AGBL1: variants seen among roughly 807,000 people sequenced by gnomAD.
AGBL1 encodes the protein cytosolic carboxypeptidase 4.
Under a neutral mutation model 118.9 loss-of-function variants are expected in AGBL1, and 130 were observed. The observed-to-expected ratio is 1.09, with a 90% CI of 0.95 to 1.26. The LOEUF is 1.26. Ranked by LOEUF, AGBL1 falls within the 50% of genes most tolerant of loss-of-function variation. The pLI, the probability that AGBL1 is intolerant of heterozygous loss-of-function variation, is 0.00. For missense variants in AGBL1, 1,584 were observed against 1,298.1 expected, an observed-to-expected ratio of 1.22 and a Z score of -3.38; for synonymous variants, 555 against 478.9, an observed-to-expected ratio of 1.16 and a Z score of -2.08.
chr15:86,568,505 T>C (rs1005337767), intron 21 of AGBL1, among the ~76,000 whole-genome samples: 1 of 152,200 alleles, frequency 6.6e-6, no homozygotes, highest in Non-Finnish European at 1.5e-5. Flanking sequence ...TCCCTGACTA[T>C]TTCTGCCTAC....
chr15:86,235,988 C>T (rs969061527), intron 6 of AGBL1, among the ~76,000 whole-genome samples: 5 of 152,162 alleles, frequency 3.3e-5, no homozygotes, highest in Non-Finnish European at 7.3e-5. Flanking sequence ...GACACTGAGG[C>T]CGAAAGAGAT....
intron 21 of AGBL1, among the ~76,000 whole-genome samples, chr15:86,567,851 T>G (rs776859443): frequency 1.2e-4 from 19 of 152,092 alleles, no homozygotes; most frequent in Non-Finnish European, 2.2e-4. Context: ...GGAATCTACC[T>G]TTTTTTCAAG....
intron 6 of AGBL1, among the ~76,000 whole-genome samples, chr15:86,246,156 A>G (rs1182104921): frequency 6.6e-6 from 1 of 152,188 alleles, no homozygotes; most frequent in Non-Finnish European, 1.5e-5. Flanking sequence ...CAGTGCTGGC[A>G]TTACAGGTGT....
In AGBL1 at chr15:86,907,637, G is replaced by T. The variant is rs2080299198; in HGVS notation, c.*343G>T. The T allele has an allele frequency of 6.6e-6, 1 of 152,184 alleles. No homozygotes were observed. Among genetic ancestry groups the T allele is most frequent in the Non-Finnish European group, 1.5e-5 (1 of 68,042 alleles). The allele number at this position is 152,184 out of a possible 1,614,324, so 9.4% of individuals were successfully genotyped here. On this transcript the variant is annotated 3_prime_UTR_variant, in exon 23 of 23. Transcript: ENST00000614907. ...CTTGTGCTTGAACTGGAGCAAGCTG[G>T]AAGTAGAGGAGTTGGGCTTCTTCTT...
chr15:86,796,480 AT>A (rs1330585395), intron 22 of AGBL1, among the ~76,000 whole-genome samples: 2 of 152,180 alleles, frequency 1.3e-5, no homozygotes, highest in Non-Finnish European at 2.9e-5. Context: ...ACAGTCCGAA[AT>A]ACCTCTAACC....
Position 86,895,447 on chromosome 15 carries a change from G to A in AGBL1, c.3159-11640G>A, listed in dbSNP as rs142406628. ...CATTTGCGTGTATTTCTTGAGCTCC[G>A]TTTTCTTCTTACTAAGCTATATACT... On this transcript the variant is annotated intron_variant, in intron 22 of 22. Coordinates refer to ENST00000614907, the MANE Select transcript of AGBL1 (RefSeq NM_001386094.1). 2.3e-3 allele frequency among the ~76,000 whole-genome samples: 337 copies of A among 149,128 alleles called. 3 individuals carry two copies. Among genetic ancestry groups the A allele is most frequent in the Non-Finnish European group, 2.9e-3 (192 of 67,338 alleles).
At chr15:86,121,559 C>T (rs950211825) in intron 1 of AGBL1, among the ~76,000 whole-genome samples, 2 of 152,212 alleles carry the variant, frequency 1.3e-5, no homozygotes, top group African/African-American at 4.8e-5. Context: ...GAAACTTCTT[C>T]ATTTGCAAGT....
chr15:86,465,005 C>G (rs1212659576), intron 18 of AGBL1, among the ~76,000 whole-genome samples: 2 of 151,938 alleles, frequency 1.3e-5, no homozygotes, highest in East Asian at 3.9e-4. Context: ...TGTTTTCCAA[C>G]TTGGTTCCAT....
intron 22 of AGBL1, among the ~76,000 whole-genome samples, chr15:86,702,401 A>G (rs1482888897): frequency 6.6e-6 from 1 of 152,154 alleles, no homozygotes; most frequent in Non-Finnish European, 1.5e-5. Context: ...CAGTCCCTTC[A>G]ATAGTTCTAG....
chr15:86,119,025 TAGTA>T (rs1269667133), intron 1 of AGBL1, among the ~76,000 whole-genome samples: 6 of 152,196 alleles, frequency 3.9e-5, no homozygotes, highest in Non-Finnish European at 7.3e-5. Flanking sequence ...GGTGCATAGC[TAGTA>T]AGTGTCAATA....
rs1021999908 is a variant in AGBL1, at chr15:86,913,468, A to C, written c.*6174A>C. ...TTCCAATGCAAAGTAAAATGGGTTC[A>C]GTATCATTGGTAGAGAACACAGTCT... On this transcript the variant is annotated 3_prime_UTR_variant, in exon 23 of 23. Transcript: ENST00000614907. 1 of 152,244 alleles carries C rather than the reference A, an allele frequency of 6.6e-6. No individual in the cohort carries two copies. The highest frequency in any genetic ancestry group is 6.5e-5 in the Admixed American group (1 of 15,290). The allele number at this position is 152,244 out of a possible 1,614,324, so 9.4% of individuals were successfully genotyped here.
At chr15:86,916,620 C>T (rs2080427878), downstream of AGBL1, among the ~76,000 whole-genome samples, 1 of 152,200 alleles carries the variant, frequency 6.6e-6, no homozygotes, top group Non-Finnish European at 1.5e-5. Context: ...TAGGCTCTGG[C>T]TCGGTTACTT....
chr15:86,474,018 C>T (rs141092243), intron 18 of AGBL1, among the ~76,000 whole-genome samples: 2 of 152,156 alleles, frequency 1.3e-5, no homozygotes, highest in African/African-American at 4.8e-5. Context: ...AATAAAATTG[C>T]ACTGTTTGGT....
chr15:86,107,515 G>C (rs1243912012), intron 1 of AGBL1: 1 of 152,188 alleles, frequency 6.6e-6, no homozygotes, highest in East Asian at 1.9e-4. Context: ...GCATGCCCTA[G>C]GTGCTTGATG....
At chr15:86,656,657 C>T (rs148971958) in intron 21 of AGBL1, among the ~76,000 whole-genome samples, 92 of 152,206 alleles carry the variant, frequency 6.0e-4, no homozygotes, top group African/African-American at 2.1e-3. Flanking sequence ...GGCTTCTCTC[C>T]CTTCTTTTTC....
In AGBL1 at chr15:86,545,515, A is replaced by C. The variant is rs529518731; in HGVS notation, c.2686-487A>C. ...TCCTCACCCCGGTATTAAGCCTAGT[A>C]CCCATTAGTTATTTTTCCTTATCCT... On this transcript the variant is annotated intron_variant, in intron 19 of 22. Transcript: ENST00000614907. Among the ~76,000 whole-genome samples, 14 of 151,920 alleles carry C rather than the reference A, an allele frequency of 9.2e-5. No individual in the cohort carries two copies. The East Asian group carries it at 2.5e-3, about 27-fold the overall frequency.
intron 22 of AGBL1, among the ~76,000 whole-genome samples, chr15:86,727,535 A>G (rs1296652631): frequency 1.3e-5 from 2 of 152,190 alleles, no homozygotes; most frequent in African/African-American, 2.4e-5. Flanking sequence ...CTTCCCCAAG[A>G]ACTTGTTTTA....
At chr15:86,385,706 A>C (rs1466147720) in intron 17 of AGBL1, among the ~76,000 whole-genome samples, 1 of 152,160 alleles carries the variant, frequency 6.6e-6, no homozygotes, top group Non-Finnish European at 1.5e-5. Context: ...GAATGGGCAC[A>C]TAGTCCTGTC....
At chr15:86,772,394 C>G (rs930046317) in intron 22 of AGBL1, among the ~76,000 whole-genome samples, 1 of 152,032 alleles carries the variant, frequency 6.6e-6, no homozygotes, top group Non-Finnish European at 1.5e-5. Flanking sequence ...GAGGTGAAGT[C>G]AAGATCATCA....
Sources: gnomAD v4.1 joint callset for allele counts (sites outside exome capture counted in the v4.1 genomes callset) on GRCh38, gnomAD v4.1.1 for gene constraint, MANE v1.5 for transcripts, NCBI Gene and HGNC (gene_info 2026-07-23, HGNC 2026-07-21) for gene names.